The following PIGN variants were observed in gnomAD, a reference collection of about 807,000 sequenced individuals.
PIGN encodes the protein GPI ethanolamine phosphate transferase 1.
A neutral mutation model predicts 125.4 loss-of-function variants in PIGN; 117 were observed. The observed-to-expected ratio is 0.93, with a 90% CI of 0.80 to 1.09. The LOEUF is 1.09. Ranked by LOEUF, PIGN falls within the 50% of genes least tolerant of loss-of-function variation. The pLI is 0.00. For missense variants in PIGN, 1,075 were observed against 1,094.9 expected, an observed-to-expected ratio of 0.98 and a Z score of 0.26; for synonymous variants, 392 against 377.8, an observed-to-expected ratio of 1.04 and a Z score of -0.44.
In PIGN at chr18:62,139,041, T is replaced by G; in HGVS notation, c.1058A>C (p.Asp353Ala). 1 of 1,608,160 alleles carries G rather than the reference T, an allele frequency of 6.2e-7. No individual in the cohort carries two copies. Among genetic ancestry groups the G allele is most frequent in the Non-Finnish European group, 8.5e-7 (1 of 1,176,416 alleles). Residue 353 changes from aspartate to alanine, a missense_variant, in exon 13 of 31, where the codon GAT becomes GCT. Around this residue, in one of 3 missense-constraint regions of PIGN, gnomAD observed 915 missense variants for 908.7 expected, o/e 1.01. Transcript: ENST00000640252. ...ILPVDYLNNT[D>A]LFKAESMFTN... The stretch of plus-strand genomic sequence containing the variant: ...AAACATGCTCTCTGCTTTGAAGAGA[T>G]CAGTGTTGTTAAGATAATCCACAGG...
In PIGN at chr18:62,045,183, T is replaced by C. The variant is rs541630731; in HGVS notation, c.*673A>G. The C allele has an allele frequency of 1.6e-4, 25 of 152,168 alleles. No homozygotes were observed. Among genetic ancestry groups the C allele is most frequent in the African/African-American group, 5.5e-4 (23 of 41,490 alleles). The allele number at this position is 152,168 out of a possible 1,614,324, so 9.4% of individuals were successfully genotyped here. On this transcript the variant is annotated 3_prime_UTR_variant, in exon 31 of 31. Coordinates refer to ENST00000640252, the MANE Select transcript of PIGN (RefSeq NM_176787.5). ...CAGAAATACCAAGCACTTTCTACTT[T>C]TGTGTTGTCAGAAATCCCAGGAAAA...
intron 30 of PIGN, among the ~76,000 whole-genome samples, chr18:62,068,329 T>A (rs1213408828): frequency 1.3e-5 from 2 of 152,186 alleles, no homozygotes; most frequent in African/African-American, 4.8e-5. Context: ...GGACCTCCTT[T>A]CCCTTTGCCA....
chr18:62,184,589 T>C (rs1040875561), intron 1 of PIGN: 1 of 152,148 alleles, frequency 6.6e-6, no homozygotes, highest in Non-Finnish European at 1.5e-5. Flanking sequence ...GGTTATAGGA[T>C]AGGAGGCAGA....
Position 62,101,121 on chromosome 18 carries a change from C to T in PIGN, c.2031G>A (p.Lys677=). The T allele has an allele frequency of 1.2e-6, 2 of 1,612,174 alleles. No homozygotes were observed. The highest frequency in any genetic ancestry group is 2.2e-5 in the East Asian group (1 of 44,822). Residue 677 remains lysine (K), a synonymous_variant, in exon 22 of 31, where the codon AAG becomes AAA. Coordinates refer to ENST00000640252, the MANE Select transcript of PIGN (RefSeq NM_176787.5). The stretch of plus-strand genomic sequence containing the variant: ...TTTGATTCATGAGAGGCAGTCCTTG[C>T]TTCCTGAGTAGACTACTCTGAGTGC... ...VYSTQSSLLR[K]QGLPLMNQII...
chr18:62,111,558 G>A (rs1368030996), intron 16 of PIGN, among the ~76,000 whole-genome samples: 2 of 151,818 alleles, frequency 1.3e-5, no homozygotes, highest in African/African-American at 4.8e-5. Context: ...AGTGACTTAT[G>A]CCTGGTAAGG....
At chr18:62,163,159 T>A (rs2037013890) in intron 2 of PIGN, among the ~76,000 whole-genome samples, 1 of 152,206 alleles carries the variant, frequency 6.6e-6, no homozygotes, top group South Asian at 2.1e-4. Flanking sequence ...TAAGGGTGTA[T>A]ACTGATTTCC....
intron 25 of PIGN, among the ~76,000 whole-genome samples, chr18:62,088,028 CAGAA>C (rs1253219320): frequency 6.6e-6 from 1 of 152,042 alleles, no homozygotes; most frequent in Non-Finnish European, 1.5e-5. Context: ...ACTGCAAAAA[CAGAA>C]AGAAAGAAAA....
chr18:62,134,651 T>TA (rs940850144), intron 14 of PIGN, among the ~76,000 whole-genome samples: 2 of 152,200 alleles, frequency 1.3e-5, no homozygotes, highest in African/African-American at 4.8e-5. Flanking sequence ...AACCAATACT[T>TA]ATATCACATG....
At chr18:62,027,056 A>T (rs2030132512) in intron 23 of PIGN, among the ~76,000 whole-genome samples, 1 of 152,174 alleles carries the variant, frequency 6.6e-6, no homozygotes, top group South Asian at 2.1e-4. Context: ...TACAAAAATT[A>T]GCTGGGTGTG....
chr18:62,081,958 A>G (rs2033469269), intron 28 of PIGN, among the ~76,000 whole-genome samples: 1 of 152,176 alleles, frequency 6.6e-6, no homozygotes, highest in Admixed American at 6.5e-5. Flanking sequence ...TTATGCTAAT[A>G]TTAGTTATTT....
chr18:62,150,736 T>A (rs2036504491), intron 7 of PIGN, among the ~76,000 whole-genome samples: 1 of 152,100 alleles, frequency 6.6e-6, no homozygotes. Context: ...AGTCTCACTC[T>A]GTCGCCAGGC....
At chr18:62,091,908 T>G (rs916215409) in intron 23 of PIGN, among the ~76,000 whole-genome samples, 2 of 152,220 alleles carry the variant, frequency 1.3e-5, no homozygotes, top group African/African-American at 4.8e-5. Flanking sequence ...AGTGAGTTAT[T>G]TATCTAATCA....
chr18:62,089,857 A>G (rs1272646343), intron 24 of PIGN, among the ~76,000 whole-genome samples: 1 of 152,186 alleles, frequency 6.6e-6, no homozygotes, highest in Non-Finnish European at 1.5e-5. Flanking sequence ...CAGAATTACC[A>G]TCAGCTCTAA....
At chr18:62,142,972 G>A (rs1399782650) in intron 11 of PIGN, among the ~76,000 whole-genome samples, 1 of 152,098 alleles carries the variant, frequency 6.6e-6, no homozygotes, top group Non-Finnish European at 1.5e-5. Flanking sequence ...ACCCATAACA[G>A]GAATTTTAAT....
intron 30 of PIGN, among the ~76,000 whole-genome samples, chr18:62,055,087 TGGTAC>T (rs1180683293): frequency 2.0e-5 from 3 of 152,198 alleles, no homozygotes; most frequent in African/African-American, 7.2e-5. Context: ...TGACAGTCTC[TGGTAC>T]AACCACTCTG....
At chr18:62,060,665 T>C (rs1022753509) in intron 30 of PIGN, among the ~76,000 whole-genome samples, 4 of 152,208 alleles carry the variant, frequency 2.6e-5, no homozygotes, top group Non-Finnish European at 5.9e-5. Flanking sequence ...CAATAAGGTA[T>C]AACAATCGTG....
downstream of PIGN, among the ~76,000 whole-genome samples, chr18:62,039,686 G>A (rs1176997815): frequency 9.5e-5 from 11 of 116,032 alleles, no homozygotes; most frequent in African/African-American, 1.2e-4. Flanking sequence ...GCCCATCCAG[G>A]GTGCCGCACC....
intron 4 of PIGN, among the ~76,000 whole-genome samples, chr18:62,159,930 G>A (rs1480813125): frequency 1.3e-5 from 2 of 152,154 alleles, no homozygotes; most frequent in South Asian, 2.1e-4. Flanking sequence ...TGGCTAACAC[G>A]GTGAAATCCC....
Position 62,084,697 on chromosome 18 carries a change from T to C in PIGN, c.2427-91A>G, listed in dbSNP as rs968873033. The C allele has an allele frequency of 7.2e-6, 6 of 838,476 alleles. No individual in the cohort carries two copies. The South Asian group carries it at 9.2e-5, about 13-fold the overall frequency. 51.9% of individuals were successfully genotyped at this position (838,476 alleles called of 1,614,324 possible). On this transcript the variant is annotated intron_variant, in intron 26 of 30. Transcript: ENST00000640252. ...TAAAAAGATGTTTAAACTAATTCTC[T>C]GAAATCTACTTACTAAAACACAAGC...
Sources: allele counts gnomAD v4.1 joint callset (sites outside exome capture counted in the v4.1 genomes callset), GRCh38; gene constraint gnomAD v4.1.1; regional missense constraint gnomAD v4.1.1; transcripts MANE v1.5; gene names NCBI Gene and HGNC (gene_info 2026-07-23, HGNC 2026-07-21).